The following SYT16 variants were observed in gnomAD, a reference collection of about 807,000 sequenced individuals.
SYT16 encodes the protein synaptotagmin 16.
SYT16 carries 42 observed loss-of-function variants against 61.4 expected under a neutral mutation model. The ratio of observed to expected loss-of-function variants is 0.68; its 90% CI spans 0.53 to 0.89. The LOEUF (loss-of-function observed/expected upper bound fraction) is 0.89. SYT16 is among the 40% of genes least tolerant of loss of function. The pLI is 0.00. For missense variants in SYT16, 804 were observed against 807.3 expected, an observed-to-expected ratio of 1.00 and a Z score of 0.05; for synonymous variants, 314 against 302.3, an observed-to-expected ratio of 1.04 and a Z score of -0.40.
intron 1 of SYT16, among the ~76,000 whole-genome samples, chr14:61,820,884 C>T (rs1309978182): frequency 6.6e-6 from 1 of 152,154 alleles, no homozygotes; most frequent in Non-Finnish European, 1.5e-5. Context: ...ATGACCTTGT[C>T]TCCACTGGTG....
At chr14:62,088,757 AAAAC>A (rs1403007670) in intron 7 of SYT16, among the ~76,000 whole-genome samples, 2 of 152,234 alleles carry the variant, frequency 1.3e-5, no homozygotes, top group Non-Finnish European at 2.9e-5. Context: ...GAGAAAAAAT[AAAAC>A]AATCGAAAAC....
At chr14:61,913,348 C>T (rs2140386388) in intron 1 of SYT16, among the ~76,000 whole-genome samples, 1 of 152,110 alleles carries the variant, frequency 6.6e-6, no homozygotes, top group East Asian at 1.9e-4. Flanking sequence ...ACCATGGAAA[C>T]CTGAGGACTA....
intron 1 of SYT16, among the ~76,000 whole-genome samples, chr14:61,896,228 A>G (rs2048322139): frequency 6.6e-6 from 1 of 152,182 alleles, no homozygotes; most frequent in Non-Finnish European, 1.5e-5. Context: ...CGTCACTCAC[A>G]CACTGCTGTG....
intron 3 of SYT16, among the ~76,000 whole-genome samples, chr14:62,004,105 G>A (rs760494045): frequency 1.7e-4 from 26 of 152,200 alleles, no homozygotes; most frequent in African/African-American, 5.5e-4. Context: ...AAGACATACC[G>A]GAGACTGGGT....
intron 3 of SYT16, among the ~76,000 whole-genome samples, chr14:62,008,131 A>T (rs1168932527): frequency 6.6e-6 from 1 of 151,992 alleles, no homozygotes; most frequent in East Asian, 1.9e-4. Flanking sequence ...AAAAATATGG[A>T]GATATTATCC....
At chr14:62,063,189 C>T (rs949072199) in intron 3 of SYT16, among the ~76,000 whole-genome samples, 2 of 152,110 alleles carry the variant, frequency 1.3e-5, no homozygotes, top group African/African-American at 4.8e-5. Flanking sequence ...CCTGCCTCAG[C>T]CCTTGTATTT....
chr14:61,954,782 C>T (rs1349433529), intron 1 of SYT16, among the ~76,000 whole-genome samples: 1 of 152,126 alleles, frequency 6.6e-6, no homozygotes, highest in South Asian at 2.1e-4. Flanking sequence ...TTGCTCTGTT[C>T]GGTGTTACAC....
chr14:62,084,381 A>T lies in SYT16; in HGVS notation c.1620A>T (p.Ala540=). The T allele has an allele frequency of 6.2e-7, 1 of 1,611,630 alleles. No individual in the cohort carries two copies. Among genetic ancestry groups the T allele is most frequent in the Non-Finnish European group, 8.5e-7 (1 of 1,179,576 alleles). The change falls in exon 7 of 8, where the codon GCA becomes GCT. Residue 540 remains alanine (A), a synonymous_variant. Coordinates refer to ENST00000683842, the MANE Select transcript of SYT16 (RefSeq NM_001367656.1). ...TCCGAAACCTCGCTGTTAACCGAGC[A>T]CCTGGTAAGTGTGAGTCTGTTCTCC... ...SHFRNLAVNR[A]PDTYGKLFLL... is the part of the protein sequence containing the mutation.
Position 61,913,167 on chromosome 14 carries a change from T to A in SYT16, c.-324-56965T>A, listed in dbSNP as rs117062005. On this transcript the variant is annotated intron_variant, in intron 1 of 7. Coordinates refer to ENST00000683842, the MANE Select transcript of SYT16 (RefSeq NM_001367656.1). ...ATGTGCAAATATACCATATATTTGTTTATTAAAATTTGTGTATTTCTGCCA... is the reference window on the plus strand; with the variant it reads ...ATGTGCAAATATACCATATATTTGTATATTAAAATTTGTGTATTTCTGCCA... Among the ~76,000 whole-genome samples the A allele has an allele frequency of 7.6e-4, 115 of 152,308 alleles. 1 individual carries two copies. The highest frequency in any genetic ancestry group is 3.1e-3 in the South Asian group (15 of 4,822).
In SYT16 at chr14:62,104,010, C is replaced by T. The variant is rs1014403350; in HGVS notation, c.*3303C>T. On this transcript the variant is annotated 3_prime_UTR_variant, in exon 8 of 8. Coordinates refer to ENST00000683842, the MANE Select transcript of SYT16 (RefSeq NM_001367656.1). ...GATATTTTACAAATTATTGTTACCT[C>T]TTGTGCAGTTACTGTGCTTTAGATG... 1 of 152,220 alleles carries T rather than the reference C, an allele frequency of 6.6e-6. No individual in the cohort carries two copies. Among genetic ancestry groups the T allele is most frequent in the East Asian group, 1.9e-4 (1 of 5,196 alleles). 9.4% of individuals were successfully genotyped at this position (152,220 alleles called of 1,614,324 possible).
chr14:61,975,443 T>C (rs1383468888), intron 2 of SYT16, among the ~76,000 whole-genome samples: 2 of 152,112 alleles, frequency 1.3e-5, no homozygotes, highest in East Asian at 1.9e-4. Context: ...ATAAAAAAGG[T>C]TTAATTGACT....
chr14:61,976,537 C>T (rs1318213712), intron 2 of SYT16, among the ~76,000 whole-genome samples: 2 of 152,212 alleles, frequency 1.3e-5, no homozygotes, highest in African/African-American at 2.4e-5. Flanking sequence ...CAATTCTTGA[C>T]TTCTGTGCAC....
chr14:61,863,527 A>G (rs903610368), intron 1 of SYT16, among the ~76,000 whole-genome samples: 2 of 152,232 alleles, frequency 1.3e-5, no homozygotes, highest in Admixed American at 1.3e-4. Flanking sequence ...TTTATCAGAT[A>G]GTGTTTTGCA....
chr14:62,069,746 C>T lies in SYT16; in HGVS notation c.667C>T (p.Gln223Ter). 1 of 1,613,996 alleles carries T rather than the reference C, an allele frequency of 6.2e-7. No homozygotes were observed. The highest frequency in any genetic ancestry group is 8.5e-7 in the Non-Finnish European group (1 of 1,179,894). The change falls in exon 4 of 8, where the codon CAG (glutamine) becomes TAG (stop). Residue 223 changes from glutamine (Q) to a stop codon, truncating the protein, a stop_gained. Coordinates refer to ENST00000683842, the MANE Select transcript of SYT16 (RefSeq NM_001367656.1). LOFTEE classifies it high-confidence loss of function. ...GAAAGGAAAGCAGACAGGATTGGAG[C>T]AGAAACCAAAATTCAGCCGTTCGTT... ...SEKGKQTGLE[Q>*]KPKFSRSLLT...
At chr14:62,085,058 A>T (rs572645578) in intron 7 of SYT16, among the ~76,000 whole-genome samples, 1 of 152,166 alleles carries the variant, frequency 6.6e-6, no homozygotes, top group Non-Finnish European at 1.5e-5. Context: ...TTGTCACTGG[A>T]AAGAGGGGTT....
At chr14:61,881,926 A>G (rs1646567284) in intron 1 of SYT16, among the ~76,000 whole-genome samples, 1 of 152,198 alleles carries the variant, frequency 6.6e-6, no homozygotes, top group Non-Finnish European at 1.5e-5. Context: ...TCCCACATCC[A>G]GTCCATGATT....
intron 1 of SYT16, among the ~76,000 whole-genome samples, chr14:61,898,823 A>G (rs2048415705): frequency 6.6e-6 from 1 of 152,122 alleles, no homozygotes; most frequent in South Asian, 2.1e-4. Context: ...ACTGAATGAG[A>G]TAAGTTGTGT....
chr14:61,844,429 ACAGTGGTGAAAG>A (rs2046383846), intron 1 of SYT16, among the ~76,000 whole-genome samples: 1 of 152,164 alleles, frequency 6.6e-6, no homozygotes, highest in African/African-American at 2.4e-5. Flanking sequence ...ATGTCAAATA[ACAGTGGTGAAAG>A]TGGGCATTCT....
At chr14:61,830,202 C>T (rs1372309514) in intron 1 of SYT16, among the ~76,000 whole-genome samples, 1 of 152,140 alleles carries the variant, frequency 6.6e-6, no homozygotes, top group Non-Finnish European at 1.5e-5. Context: ...TAAATTCCAA[C>T]ATTTGTGTTG....
Sources: gnomAD v4.1 joint callset for allele counts (sites outside exome capture counted in the v4.1 genomes callset) on GRCh38, gnomAD v4.1.1 for gene constraint, MANE v1.5 for transcripts, NCBI Gene and HGNC (gene_info 2026-07-23, HGNC 2026-07-21) for gene names.